The following DIS3L2 variants were observed in gnomAD, a reference collection of about 807,000 sequenced individuals.
DIS3L2 encodes the protein DIS3-like exonuclease 2.
In DIS3L2, 34 loss-of-function variants were observed where a neutral mutation model predicts 97.5. The ratio of observed to expected loss-of-function variants is 0.35; its 90% CI spans 0.27 to 0.46. DIS3L2 has a LOEUF of 0.46. DIS3L2 is among the 20% of genes least tolerant of loss of function. The probability of loss-of-function intolerance (pLI) is 1.00; values close to 1 mark genes in which losing one functional copy is unlikely to be tolerated. For missense variants in DIS3L2, 1,038 were observed against 1,146.0 expected (o/e 0.91, Z 1.36); for synonymous variants, 435 against 445.2 (o/e 0.98, Z 0.29).
intron 17 of DIS3L2, among the ~76,000 whole-genome samples, 185 bp from the exon 18 acceptor site, chr2:232,334,184 C>G (rs1695863415): frequency 6.6e-6 from 1 of 152,190 alleles, no homozygotes; most frequent in Non-Finnish European, 1.5e-5. Flanking sequence ...GAGCCCACAG[C>G]CAGCCCTGGA....
chr2:232,090,742 G>C (rs553654148), intron 6 of DIS3L2, among the ~76,000 whole-genome samples: 1 of 152,184 alleles, frequency 6.6e-6, no homozygotes, highest in Non-Finnish European at 1.5e-5. Context: ...GTTCATGCTT[G>C]TGTTCAAAAG....
chr2:232,240,555 T>A (rs193059860), intron 11 of DIS3L2, among the ~76,000 whole-genome samples: 185 of 152,356 alleles, frequency 1.2e-3, no homozygotes, highest in African/African-American at 4.3e-3. Context: ...TGTCCTCATC[T>A]GAGCAGGGGG....
rs575372449 is a variant in DIS3L2 at position 232,263,911 on chromosome 2, A to G, written c.1659+471A>G. ...CTTCTTATACCTCATCTCCCAAAAA[A>G]GAGTTATTTGTTTACAAATTCCAGA... On this transcript the variant is annotated intron_variant, in intron 13 of 20. Transcript: ENST00000325385. 2.6e-5 allele frequency among the ~76,000 whole-genome samples: 4 copies of G among 152,360 alleles called. No individual in the cohort carries two copies. The East Asian group carries it at 7.7e-4, about 29-fold the overall frequency.
At chr2:232,343,056 A>C (rs940331297) in intron 13 of DIS3L2, 6 of 341,946 alleles carry the variant, frequency 1.8e-5, no homozygotes, top group Non-Finnish European at 3.2e-5. Context: ...CCACAGCTGC[A>C]TCACACTGCT....
intron 8 of DIS3L2, among the ~76,000 whole-genome samples, chr2:232,137,058 A>G (rs1218607808): frequency 6.6e-6 from 1 of 152,200 alleles, no homozygotes; most frequent in East Asian, 1.9e-4. Flanking sequence ...CTCTCCTTGC[A>G]GATGCTAGTG....
At chr2:232,169,312 A>G (rs1490847835) in intron 9 of DIS3L2, among the ~76,000 whole-genome samples, 9 of 152,222 alleles carry the variant, frequency 5.9e-5, no homozygotes, top group Non-Finnish European at 1.0e-4. Flanking sequence ...TATTGTTTAT[A>G]TATAGTATAT....
In DIS3L2 at chr2:232,334,701, T is replaced by G; in HGVS notation, c.2360T>G (p.Leu787Arg). Residue 787 changes from leucine to arginine, a missense_variant, in exon 19 of 21, where the codon CTG becomes CGG. Leu to Arg is a moderately radical substitution (Grantham distance 102). This residue lies in a region of DIS3L2 where 221 missense variants were observed against 246.9 expected (regional missense o/e 0.90). Transcript: ENST00000325385. ...AAGCAAGCCTTCGACGTGCTGGTGC[T>G]GCGCTACGGCGTGCAGAAGCGCATC... ...ILKQAFDVLV[L>R]RYGVQKRIYC... The G allele has an allele frequency of 6.2e-7, 1 of 1,610,210 alleles. No homozygotes were observed. The highest frequency in any genetic ancestry group is 8.5e-7 in the Non-Finnish European group (1 of 1,178,584).
chr2:232,338,071 T>G (rs1696021390), downstream of DIS3L2, among the ~76,000 whole-genome samples: 1 of 151,772 alleles, frequency 6.6e-6, no homozygotes, highest in Non-Finnish European at 1.5e-5. Flanking sequence ...GGGTTTGGTG[T>G]TGGGGTGGAG....
chr2:232,073,473 C>T lies in DIS3L2; in HGVS notation c.367-14014C>T, dbSNP rs550086326. Among the ~76,000 whole-genome samples, 16 of 152,226 alleles carry T rather than the reference C, an allele frequency of 1.1e-4. No individual in the cohort carries two copies. The South Asian group carries it at 3.1e-3, about 30-fold the overall frequency. ...TCCATAATACCAAGTTGATAGCAACCCCCTGCCTAAGGAGAATGTAATAGG... is the reference window on the plus strand; with the variant it reads ...TCCATAATACCAAGTTGATAGCAACTCCCTGCCTAAGGAGAATGTAATAGG... On this transcript the variant is annotated intron_variant, in intron 5 of 20. Transcript: ENST00000325385.
intron 13 of DIS3L2, among the ~76,000 whole-genome samples, chr2:232,296,118 C>G (rs75942060): frequency 1.3e-3 from 195 of 152,344 alleles, no homozygotes; most frequent in Non-Finnish European, 2.3e-3. Context: ...AGATTGAACT[C>G]AAACTCTTCT....
chr2:232,108,275 C>T (rs1329216173), intron 6 of DIS3L2, among the ~76,000 whole-genome samples: 1 of 152,196 alleles, frequency 6.6e-6, no homozygotes, highest in East Asian at 1.9e-4. Context: ...ACAAAAACCA[C>T]ATGATTATCT....
intron 1 of DIS3L2, among the ~76,000 whole-genome samples, chr2:231,995,035 G>A (rs1019579328): frequency 1.3e-5 from 2 of 151,968 alleles, no homozygotes; most frequent in Non-Finnish European, 2.9e-5. Context: ...GAACTCCTGA[G>A]CTCAAGTGTT....
At chr2:232,263,094 C>T (rs565190144) in intron 12 of DIS3L2, 113 bp from the exon 13 acceptor site, 4 of 1,094,304 alleles carry the variant, frequency 3.7e-6, no homozygotes, top group Admixed American at 2.1e-5. Context: ...TCCGAGCACA[C>T]AGTCAGTGCT....
In DIS3L2 at chr2:232,195,458, G is replaced by A. The variant is rs184754589; in HGVS notation, c.1125-14868G>A. On this transcript the variant is annotated intron_variant, in intron 9 of 20. Coordinates refer to ENST00000325385, the MANE Select transcript of DIS3L2 (RefSeq NM_152383.5). ...AAGATAGTTTGGTGGGCAGGGGCTA[G>A]GGAATGGGGAATGCTGGTTGGTTGG... is the stretch of plus-strand genomic sequence containing the variant. 7.5e-3 allele frequency among the ~76,000 whole-genome samples: 1,142 copies of A among 152,012 alleles called. 12 individuals carry two copies. Among genetic ancestry groups the A allele is most frequent in the African/African-American group, 0.027 (1,106 of 41,430 alleles).
intron 14 of DIS3L2, among the ~76,000 whole-genome samples, chr2:232,301,494 C>A (rs1694854232): frequency 6.6e-6 from 1 of 152,206 alleles, no homozygotes; most frequent in Non-Finnish European, 1.5e-5. Flanking sequence ...TCCTCAAGAC[C>A]TCTGGTGCTG....
chr2:231,999,367 G>T (rs1243720826), intron 1 of DIS3L2, among the ~76,000 whole-genome samples: 1 of 152,016 alleles, frequency 6.6e-6, no homozygotes, highest in Non-Finnish European at 1.5e-5. Context: ...TTGATTCTAG[G>T]CCCTTTCAGG....
chr2:232,122,210 T>TTA (rs770590832), intron 6 of DIS3L2, among the ~76,000 whole-genome samples: 6 of 152,272 alleles, frequency 3.9e-5, no homozygotes, highest in Non-Finnish European at 5.9e-5. Flanking sequence ...TATCAGCAAT[T>TTA]TATATATATA....
At chr2:231,964,222 T>G (rs551996721) in intron 1 of DIS3L2, among the ~76,000 whole-genome samples, 1 of 152,326 alleles carries the variant, frequency 6.6e-6, no homozygotes, top group East Asian at 1.9e-4. Context: ...TTCTGTTCCA[T>G]TGTTCTATAG....
intron 11 of DIS3L2, among the ~76,000 whole-genome samples, chr2:232,242,922 T>C (rs1260661790): frequency 2.0e-5 from 3 of 152,194 alleles, no homozygotes; most frequent in Non-Finnish European, 4.4e-5. Flanking sequence ...ACTTGGTATT[T>C]ATTGAGTACC....
Sources: gnomAD v4.1 joint callset for allele counts (sites outside exome capture counted in the v4.1 genomes callset) on GRCh38, gnomAD v4.1.1 for gene constraint, gnomAD v4.1.1 regional missense constraint, MANE v1.5 for transcripts, NCBI Gene and HGNC (gene_info 2026-07-23, HGNC 2026-07-21) for gene names.